KIF4A: variants seen among roughly 807,000 people sequenced by gnomAD.
KIF4A encodes chromosome-associated kinesin KIF4A.
In KIF4A, 7 loss-of-function variants were observed where a neutral mutation model predicts 105.9. The observed-to-expected ratio is 0.07, with a 90% confidence interval of 0.04 to 0.12. The LOEUF (loss-of-function observed/expected upper bound fraction) is 0.12, where lower values mean the gene tolerates loss of function less well. Ranked by LOEUF, KIF4A falls within the 10% of genes least tolerant of loss-of-function variation. The probability of loss-of-function intolerance (pLI) is 1.00; values close to 1 mark genes in which losing one functional copy is unlikely to be tolerated. For missense variants in KIF4A, 558 were observed against 929.2 expected (o/e 0.60, Z 5.19); for synonymous variants, 281 against 331.3 (o/e 0.85, Z 1.65).
intron 15 of KIF4A, among the ~76,000 whole-genome samples, chrX:70,371,684 C>T (rs1380093419): frequency 1.4e-4 from 15 of 107,055 alleles, no homozygotes; most frequent in Admixed American, 7.7e-4. Context: ...CCGGACGGGA[C>T]GGCTGGCCGG....
chrX:70,365,668 C>A (rs1272770256), intron 15 of KIF4A, among the ~76,000 whole-genome samples: 1 of 111,362 alleles, frequency 9.0e-6, no homozygotes, highest in Non-Finnish European at 1.9e-5. Flanking sequence ...AGGATTTTTG[C>A]ATCGATGTTC....
At chrX:70,345,895 A>G (rs957181914) in intron 13 of KIF4A, among the ~76,000 whole-genome samples, 11 of 111,117 alleles carry the variant, frequency 9.9e-5, no homozygotes, top group African/African-American at 3.6e-4. Context: ...CAATGTAAGC[A>G]AAGTGCAGTG....
At chrX:70,293,490 C>G (rs983272386) in intron 3 of KIF4A, among the ~76,000 whole-genome samples, 2 of 111,889 alleles carry the variant, frequency 1.8e-5, no homozygotes, top group Non-Finnish European at 3.8e-5. Flanking sequence ...AATTAAGTAG[C>G]AAGTTATAAT....
At chrX:70,347,966 C>A (rs1237119288) in intron 13 of KIF4A, among the ~76,000 whole-genome samples, 1 of 6,533 alleles carries the variant, frequency 1.5e-4, no homozygotes, top group Non-Finnish European at 2.5e-4. Context: ...CAGAGCGAGA[C>A]TCCGTCTCAA....
chrX:70,296,047 G>GCAGC (rs1320469738), intron 3 of KIF4A, among the ~76,000 whole-genome samples: 1 of 99,658 alleles, frequency 1.0e-5, no homozygotes, highest in Non-Finnish European at 2.0e-5. Flanking sequence ...GCTTTTTTCA[G>GCAGC]TTAACTATAT....
intron 7 of KIF4A, among the ~76,000 whole-genome samples, chrX:70,324,831 G>C (rs1947858517): frequency 9.0e-6 from 1 of 111,466 alleles, no homozygotes; most frequent in South Asian, 3.8e-4. Flanking sequence ...GCCTAGGCTG[G>C]AGTGCAGTGG....
intron 20 of KIF4A, among the ~76,000 whole-genome samples, chrX:70,391,666 A>G (rs1277735670): frequency 1.8e-5 from 2 of 109,585 alleles, no homozygotes. Flanking sequence ...TTGTTTTTAC[A>G]TGGGTAAATG....
Position 70,407,009 on chromosome X carries a change from T to A in KIF4A, c.3189T>A (p.Asp1063Glu), listed in dbSNP as rs764086585. 1.7e-6 allele frequency: 2 copies of A among 1,208,014 alleles called. No homozygotes were observed. The highest frequency in any genetic ancestry group is 1.8e-5 in the African/African-American group (1 of 56,995). ...NEHEDGDGDD[D>E]EGDDEEWKPT... is the part of the protein sequence containing the mutation. ...ATGAGGATGGTGATGGTGATGATGA[T>A]GAGGGGGATGACGAGGAATGGAAGC... Residue 1063 changes from aspartate to glutamate, a missense_variant, in exon 28 of 31, where the codon GAT becomes GAA. This residue lies in a region of KIF4A where 469 missense variants were observed against 680.4 expected (regional missense o/e 0.69). Coordinates refer to ENST00000374403, the MANE Select transcript of KIF4A (RefSeq NM_012310.5).
chrX:70,294,585 A>G (rs1255069828), intron 3 of KIF4A, among the ~76,000 whole-genome samples: 1 of 112,727 alleles, frequency 8.9e-6, no homozygotes, highest in East Asian at 2.8e-4. Context: ...GGCTAAGTCA[A>G]TAAGCAACAG....
At chrX:70,379,192 A>G (rs1231187095) in intron 18 of KIF4A, among the ~76,000 whole-genome samples, 1 of 111,100 alleles carries the variant, frequency 9.0e-6, no homozygotes, top group Non-Finnish European at 1.9e-5. Flanking sequence ...AAAGAAAAAA[A>G]AGAAAGAAAA....
intron 15 of KIF4A, among the ~76,000 whole-genome samples, chrX:70,372,031 A>G (rs1231439738): frequency 6.8e-5 from 7 of 103,103 alleles, no homozygotes; most frequent in African/African-American, 2.6e-4. Flanking sequence ...GGCGCTCCCC[A>G]CATCTCAGAC....
intron 11 of KIF4A, 104 bp from the exon 12 acceptor site, chrX:70,343,599 G>A: frequency 1.4e-6 from 1 of 689,851 alleles, no homozygotes; most frequent in East Asian, 3.4e-5. Flanking sequence ...TACAGCAAAG[G>A]AGACAGCCTC....
chrX:70,341,019 T>C (rs927015274), intron 10 of KIF4A, among the ~76,000 whole-genome samples: 1 of 111,836 alleles, frequency 8.9e-6, no homozygotes, highest in Non-Finnish European at 1.9e-5. Flanking sequence ...TCAAGTGATA[T>C]GTATACATTC....
At chrX:70,322,994 C>G (rs1429499939) in intron 7 of KIF4A, among the ~76,000 whole-genome samples, 1 of 110,481 alleles carries the variant, frequency 9.1e-6, no homozygotes, top group East Asian at 2.9e-4. Flanking sequence ...ACCATGCTGC[C>G]TCCTTAAGGC....
At chrX:70,370,935 CAAA>C (rs754711052) in intron 15 of KIF4A, among the ~76,000 whole-genome samples, 2 of 67,555 alleles carry the variant, frequency 3.0e-5, no homozygotes. Context: ...GACTCTGTCT[CAAA>C]AAAAAAAAAA....
chrX:70,395,926 C>T, intron 21 of KIF4A, 23 bp from the exon 22 acceptor site: 1 of 1,195,141 alleles, frequency 8.4e-7, no homozygotes, highest in Non-Finnish European at 1.1e-6. Flanking sequence ...GTATTTCACC[C>T]TTGTTCTCAC....
At chrX:70,383,868 G>A (rs1242758114) in intron 18 of KIF4A, among the ~76,000 whole-genome samples, 1 of 112,037 alleles carries the variant, frequency 8.9e-6, no homozygotes, top group East Asian at 2.8e-4. Context: ...AAGTAGATTA[G>A]TGGTTCTCTA....
intron 15 of KIF4A, among the ~76,000 whole-genome samples, chrX:70,368,872 G>A (rs904294331): frequency 5.3e-5 from 6 of 112,155 alleles, no homozygotes; most frequent in African/African-American, 1.3e-4. Flanking sequence ...GCAGGCAGGT[G>A]TCCTTGAGCT....
intron 15 of KIF4A, among the ~76,000 whole-genome samples, chrX:70,354,426 A>T (rs1286637550): frequency 8.9e-6 from 1 of 112,407 alleles, no homozygotes; most frequent in Non-Finnish European, 1.9e-5. Context: ...GCTATATCCT[A>T]CTACTCCCAA....
Sources: allele counts gnomAD v4.1 joint callset (sites outside exome capture counted in the v4.1 genomes callset), GRCh38; gene constraint gnomAD v4.1.1; regional missense constraint gnomAD v4.1.1; transcripts MANE v1.5; gene names NCBI Gene and HGNC (gene_info 2026-07-23, HGNC 2026-07-21).